Variants in NEIL3 observed in about 807,000 individuals in gnomAD.
The protein encoded by NEIL3 is nei like DNA glycosylase 3, also known as endonuclease 8-like 3.
A neutral mutation model predicts 57.5 loss-of-function variants in NEIL3; 48 were observed. The observed-to-expected ratio is 0.83, with a 90% CI of 0.66 to 1.06. NEIL3 has a LOEUF of 1.06. Ranked by LOEUF, NEIL3 falls within the 50% of genes least tolerant of loss-of-function variation. NEIL3 has a pLI of 0.00. For synonymous variants in NEIL3, 261 were observed against 253.2 expected (o/e 1.03, Z -0.29); for missense variants, 717 against 739.1 (o/e 0.97, Z 0.35).
At chr4:177,349,272 T>A (rs1206667590) in intron 6 of NEIL3, among the ~76,000 whole-genome samples, 1 of 152,096 alleles carries the variant, frequency 6.6e-6, no homozygotes, top group Non-Finnish European at 1.5e-5. Context: ...CAGAAATGCA[T>A]TCACTCAAAC....
At chr4:177,310,605 C>T (rs1734458831) in intron 1 of NEIL3, among the ~76,000 whole-genome samples, 1 of 152,216 alleles carries the variant, frequency 6.6e-6, no homozygotes, top group African/African-American at 2.4e-5. Flanking sequence ...ACTAACTTCT[C>T]ACTCAACTTC....
downstream of NEIL3, among the ~76,000 whole-genome samples, chr4:177,363,206 C>G (rs1165724313): frequency 6.6e-6 from 1 of 152,132 alleles, no homozygotes; most frequent in Non-Finnish European, 1.5e-5. Flanking sequence ...GATAAAAAGT[C>G]ACTCTTAAGG....
downstream of NEIL3, among the ~76,000 whole-genome samples, chr4:177,366,170 T>C (rs1735690071): frequency 1.3e-5 from 2 of 152,258 alleles, no homozygotes; most frequent in African/African-American, 4.8e-5. Context: ...TTTTAGTTTC[T>C]TTAAAACATA....
At chr4:177,352,295 T>C (rs1735372217) in intron 7 of NEIL3, among the ~76,000 whole-genome samples, 1 of 152,244 alleles carries the variant, frequency 6.6e-6, no homozygotes, top group South Asian at 2.1e-4. Flanking sequence ...TTTGCTGTGC[T>C]GCATCTCCTG....
At chr4:177,349,034 A>ATTTTTTTTT (rs70938582) in intron 6 of NEIL3, among the ~76,000 whole-genome samples, 5 of 100,428 alleles carry the variant, frequency 5.0e-5, no homozygotes, top group South Asian at 3.8e-4. Context: ...CACCTGGCTA[A>ATTTTTTTTT]TTTTTTTTTT....
intron 2 of NEIL3, among the ~76,000 whole-genome samples, chr4:177,334,279 T>C (rs1181625194): frequency 6.6e-6 from 1 of 152,156 alleles, no homozygotes. Context: ...GATGTGTTGG[T>C]TTATTGGGGC....
At chr4:177,352,787 G>A (rs9992351) in intron 7 of NEIL3, among the ~76,000 whole-genome samples, 2,488 of 151,102 alleles carry the variant, frequency 0.016, 66 homozygotes, top group African/African-American at 0.057. Flanking sequence ...CCGAGATCGC[G>A]CCACTGCACT....
rs1392074333 is a variant in NEIL3, at chr4:177,359,874, T to TG, written c.1461-624dup. Among the ~76,000 whole-genome samples, 3 of 152,344 alleles carry TG rather than the reference T, an allele frequency of 2.0e-5. No individual in the cohort carries two copies. The East Asian group carries it at 5.8e-4, about 29-fold the overall frequency. On this transcript the variant is annotated intron_variant, in intron 8 of 9. Transcript: ENST00000264596. ...CTCCAAATACTCTTGATCCTAATTA[T>TG]GGGGGAGAATAAAGCTTCCCTGCTA...
chr4:177,313,642 G>A (rs1734517559), intron 1 of NEIL3, among the ~76,000 whole-genome samples: 1 of 152,088 alleles, frequency 6.6e-6, no homozygotes, highest in African/African-American at 2.4e-5. Context: ...TATTTAATCT[G>A]CATGTGTTTT....
rs761968037 is a variant in NEIL3, at chr4:177,336,194, G to T, written c.500G>T (p.Ser167Ile). The T allele has an allele frequency of 2.5e-6, 4 of 1,613,998 alleles. No homozygotes were observed. Among genetic ancestry groups the T allele is most frequent in the African/African-American group, 2.7e-5 (2 of 75,046 alleles). The change falls in exon 4 of 10, where the codon AGT becomes ATT. Residue 167 changes from serine to isoleucine, a missense_variant. By Grantham distance (142) the Ser-to-Ile change is moderately radical. Coordinates refer to ENST00000264596, the MANE Select transcript of NEIL3 (RefSeq NM_018248.3). ...GAATTTAGTTTCTTGAGAGCAGAAAGTGAAGTTAAAAAACAGAAAGGCCGG... is the reference window on the plus strand; with the variant it reads ...GAATTTAGTTTCTTGAGAGCAGAAATTGAAGTTAAAAAACAGAAAGGCCGG... ...SPEFSFLRAE[S>I]EVKKQKGRML...
rs956721392 is a variant in NEIL3 at position 177,353,862 on chromosome 4, TTCAAGCGA to T, written c.1460+136_1460+143del. On this transcript the variant is annotated intron_variant, in intron 8 of 9. Transcript: ENST00000264596. ...CTCACTGCAACCTCTGCCTCCCGCG[TTCAAGCGA>T]TTCTCCTGCCTCAGCCTCCCAAGTA... is the stretch of plus-strand genomic sequence containing the variant. The T allele has an allele frequency of 1.9e-5, 14 of 722,796 alleles. No homozygotes were observed. In the African/African-American group the frequency reaches 2.2e-4, roughly 11 times the overall value. 44.8% of individuals were successfully genotyped at this position (722,796 alleles called of 1,614,324 possible).
At chr4:177,317,588 CTTTCT>C (rs1356164644) in intron 1 of NEIL3, among the ~76,000 whole-genome samples, 6,002 of 115,468 alleles carry the variant, frequency 0.052, 227 homozygotes, top group South Asian at 0.074. Flanking sequence ...ACGGTTAGAA[CTTTCT>C]TTTCTTTTTT....
chr4:177,322,714 G>A (rs952921608), intron 2 of NEIL3, 134 bp downstream of exon 2: 3 of 945,118 alleles, frequency 3.2e-6, no homozygotes, highest in African/African-American at 3.3e-5. Flanking sequence ...AATATGAGAG[G>A]TTGTGATTCT....
At chr4:177,319,043 G>A (rs1734626929) in intron 1 of NEIL3, among the ~76,000 whole-genome samples, 1 of 152,160 alleles carries the variant, frequency 6.6e-6, no homozygotes, top group Non-Finnish European at 1.5e-5. Context: ...TGAATAACAT[G>A]AACTGTTACA....
chr4:177,360,876 G>T (rs1735595603), intron 9 of NEIL3, among the ~76,000 whole-genome samples, 199 bp downstream of exon 9: 1 of 152,046 alleles, frequency 6.6e-6, no homozygotes, highest in South Asian at 2.1e-4. Context: ...TAAAATAATA[G>T]CTATTACATT....
intron 6 of NEIL3, among the ~76,000 whole-genome samples, chr4:177,350,158 G>A (rs183017746): frequency 4.6e-5 from 7 of 152,212 alleles, no homozygotes; most frequent in Admixed American, 3.9e-4. Flanking sequence ...TTATATGTAA[G>A]GAACAAAATG....
rs142105935 is a variant in NEIL3, at chr4:177,316,745, G to A, written c.157-5714G>A. On this transcript the variant is annotated intron_variant, in intron 1 of 9. Transcript: ENST00000264596. Reference sequence around the variant, plus strand: ...AAGGATATTAGCTAAACTTGTTACTGTCCCCAGAGAGCTTATAGACAGGGG... The same window carrying A: ...AAGGATATTAGCTAAACTTGTTACTATCCCCAGAGAGCTTATAGACAGGGG... Among the ~76,000 whole-genome samples the A allele has an allele frequency of 1.3e-3, 191 of 152,268 alleles. 1 individual carries two copies. Among genetic ancestry groups the A allele is most frequent in the Non-Finnish European group, 1.9e-3 (128 of 68,018 alleles).
At position 177,352,027 on chromosome 4, in the gene NEIL3, G is replaced by A. The variant is rs2110929580; in HGVS notation, c.1039+478G>A. ...AAATCTGTATCCAGACAATTGTACT[G>A]ATTTCATTGAAACCCTTCAAAATAA... On this transcript the variant is annotated intron_variant, in intron 7 of 9. Coordinates refer to ENST00000264596, the MANE Select transcript of NEIL3 (RefSeq NM_018248.3). 2.0e-5 allele frequency among the ~76,000 whole-genome samples: 3 copies of A among 152,248 alleles called. No homozygotes were observed. In the South Asian group the frequency reaches 6.2e-4, roughly 32 times the overall value.
intron 2 of NEIL3, among the ~76,000 whole-genome samples, chr4:177,323,419 C>A (rs1425177055): frequency 6.6e-6 from 1 of 152,144 alleles, no homozygotes; most frequent in Non-Finnish European, 1.5e-5. Flanking sequence ...GAATAATTGT[C>A]ACAAAGAGAT....
Sources: allele counts gnomAD v4.1 joint callset (sites outside exome capture counted in the v4.1 genomes callset), GRCh38; gene constraint gnomAD v4.1.1; transcripts MANE v1.5; gene names NCBI Gene and HGNC (gene_info 2026-07-23, HGNC 2026-07-21).